The following ANKS1B variants were observed in gnomAD, a reference collection of about 807,000 sequenced individuals.
ANKS1B encodes the protein ankyrin repeat and sterile alpha motif domain containing 1B.
In ANKS1B, 36 loss-of-function variants were observed where a neutral mutation model predicts 148.3. The ratio of observed to expected loss-of-function variants is 0.24; its 90% confidence interval spans 0.19 to 0.32. The LOEUF is 0.32. ANKS1B is among the 10% of genes least tolerant of loss of function. The pLI is 1.00. For synonymous variants in ANKS1B, 542 were observed against 560.8 expected (o/e 0.97, Z 0.47); for missense variants, 1,157 against 1,542.6 (o/e 0.75, Z 4.19).
chr12:99,646,742 T>C (rs1442332994), intron 9 of ANKS1B, among the ~76,000 whole-genome samples: 1 of 150,946 alleles, frequency 6.6e-6, no homozygotes, highest in Non-Finnish European at 1.5e-5. Context: ...GGTTATCATG[T>C]GTACTGTCAT....
intron 10 of ANKS1B, among the ~76,000 whole-genome samples, chr12:99,490,398 AT>A (rs2096543913): frequency 6.6e-6 from 1 of 152,262 alleles, no homozygotes; most frequent in Non-Finnish European, 1.5e-5. Context: ...ATGACATCTG[AT>A]GATAAATGTG....
At chr12:98,888,917 T>A (rs2099746178) in intron 17 of ANKS1B, among the ~76,000 whole-genome samples, 1 of 152,248 alleles carries the variant, frequency 6.6e-6, no homozygotes, top group African/African-American at 2.4e-5. Context: ...TAGGACCTTG[T>A]CTATCTTGTT....
intron 17 of ANKS1B, among the ~76,000 whole-genome samples, chr12:98,904,207 G>A (rs2099775945): frequency 6.6e-6 from 1 of 152,118 alleles, no homozygotes; most frequent in Admixed American, 6.5e-5. Context: ...AAGAAGATGA[G>A]GAGGGATCCA....
intron 9 of ANKS1B, among the ~76,000 whole-genome samples, chr12:99,647,149 T>A (rs953435088): frequency 2.0e-5 from 3 of 152,158 alleles, no homozygotes; most frequent in African/African-American, 7.2e-5. Context: ...ATACACGTGG[T>A]CTTACATAAA....
chr12:99,720,125 G>T (rs1050116593), intron 8 of ANKS1B, among the ~76,000 whole-genome samples: 5 of 152,048 alleles, frequency 3.3e-5, no homozygotes, highest in African/African-American at 9.7e-5. Flanking sequence ...TTCCATCATA[G>T]AAATCTATCC....
intron 15 of ANKS1B, among the ~76,000 whole-genome samples, chr12:99,089,553 T>C (rs2053337743): frequency 6.6e-6 from 1 of 152,226 alleles, no homozygotes; most frequent in African/African-American, 2.4e-5. Context: ...GTTAGAGACA[T>C]TGAAACTTTA....
intron 17 of ANKS1B, among the ~76,000 whole-genome samples, chr12:98,906,831 T>A (rs1340618514): frequency 6.6e-6 from 1 of 152,246 alleles, no homozygotes; most frequent in Non-Finnish European, 1.5e-5. Flanking sequence ...ATTTGTTTTT[T>A]AAATAATTTT....
intron 4 of ANKS1B, among the ~76,000 whole-genome samples, chr12:99,794,490 C>CACACACACA (rs761141277): frequency 1.3e-5 from 2 of 149,554 alleles, no homozygotes; most frequent in African/African-American, 5.0e-5. Flanking sequence ...CACACACACA[C>CACACACACA]ATTTTCTTGG....
intron 10 of ANKS1B, among the ~76,000 whole-genome samples, chr12:99,486,233 G>A: frequency 6.6e-6 from 1 of 151,746 alleles, no homozygotes; most frequent in Non-Finnish European, 1.5e-5. Flanking sequence ...CCTAAAAGAT[G>A]TGACTTTAAT....
intron 12 of ANKS1B, among the ~76,000 whole-genome samples, chr12:99,336,691 A>G (rs942236633): frequency 2.6e-5 from 4 of 151,996 alleles, no homozygotes; most frequent in Admixed American, 6.6e-5. Context: ...GTACGGATTT[A>G]TTTCTGGGTT....
chr12:99,960,675 C>T (rs147221804), intron 1 of ANKS1B, among the ~76,000 whole-genome samples: 3 of 152,246 alleles, frequency 2.0e-5, no homozygotes, highest in East Asian at 1.9e-4. Flanking sequence ...CAGGTGTTGG[C>T]GGCCCTTAGT....
chr12:99,722,610 G>A (rs934985480), intron 8 of ANKS1B, among the ~76,000 whole-genome samples: 1 of 152,170 alleles, frequency 6.6e-6, no homozygotes, highest in African/African-American at 2.4e-5. Context: ...AGCTCTGACT[G>A]GAGGTGTACA....
At chr12:99,389,046 C>T (rs2093971029) in intron 12 of ANKS1B, among the ~76,000 whole-genome samples, 1 of 152,154 alleles carries the variant, frequency 6.6e-6, no homozygotes, top group Non-Finnish European at 1.5e-5. Context: ...AAAAGAAGGA[C>T]CTCACACAAA....
At chr12:99,576,757 T>G (rs2097523817) in intron 9 of ANKS1B, among the ~76,000 whole-genome samples, 1 of 151,932 alleles carries the variant, frequency 6.6e-6, no homozygotes, top group Non-Finnish European at 1.5e-5. Context: ...CAGGTTTTTC[T>G]TTTTTTCAAG....
chr12:99,973,935 T>C (rs1380114803), intron 1 of ANKS1B, among the ~76,000 whole-genome samples: 1 of 152,204 alleles, frequency 6.6e-6, no homozygotes, highest in African/African-American at 2.4e-5. Flanking sequence ...CAGCAAGGCT[T>C]GAGAGGAGTG....
At chr12:99,460,921 T>C (rs1020526657) in intron 10 of ANKS1B, among the ~76,000 whole-genome samples, 2 of 151,830 alleles carry the variant, frequency 1.3e-5, no homozygotes, top group Non-Finnish European at 2.9e-5. Flanking sequence ...AATAAGTCAT[T>C]ATACAAAAAA....
intron 12 of ANKS1B, among the ~76,000 whole-genome samples, chr12:99,347,803 C>CA (rs35325272): frequency 0.31 from 47,297 of 150,810 alleles, 8,242 homozygotes; most frequent in East Asian, 0.49. Context: ...ATTAGACTTC[C>CA]AAAAAAAATA....
At chr12:99,177,112 C>T (rs754270082) in intron 14 of ANKS1B, among the ~76,000 whole-genome samples, 1 of 152,118 alleles carries the variant, frequency 6.6e-6, no homozygotes, top group Non-Finnish European at 1.5e-5. Flanking sequence ...ACAGGTTGTA[C>T]CAGGCATGCA....
At chr12:98,999,836 G>T (rs569457417) in intron 17 of ANKS1B, among the ~76,000 whole-genome samples, 2 of 152,134 alleles carry the variant, frequency 1.3e-5, no homozygotes, top group Non-Finnish European at 2.9e-5. Context: ...GGGGAAACAC[G>T]CAGTGGCTAC....
Sources: gnomAD v4.1 joint callset for allele counts (sites outside exome capture counted in the v4.1 genomes callset) on GRCh38, gnomAD v4.1.1 for gene constraint, MANE v1.5 for transcripts, NCBI Gene and HGNC (gene_info 2026-07-23, HGNC 2026-07-21) for gene names.